Variants in CRTAC1 observed in about 807,000 individuals in gnomAD.
CRTAC1 encodes the protein acidic secreted protein in cartilage.
A neutral mutation model predicts 67.8 loss-of-function variants in CRTAC1; 37 were observed. That is an observed-to-expected ratio of 0.55 (90% CI 0.42 to 0.72). The LOEUF (loss-of-function observed/expected upper bound fraction) is 0.72, where lower values mean the gene tolerates loss of function less well. Ranked by LOEUF, CRTAC1 falls within the 30% of genes least tolerant of loss-of-function variation. The probability of loss-of-function intolerance (pLI) is 0.00; values close to 1 mark genes in which losing one functional copy is unlikely to be tolerated. For synonymous variants in CRTAC1, 348 were observed against 371.0 expected (o/e 0.94, Z 0.71); for missense variants, 780 against 931.6 (o/e 0.84, Z 2.12).
intron 4 of CRTAC1, among the ~76,000 whole-genome samples, chr10:97,922,009 A>C (rs1209076023): frequency 6.6e-6 from 1 of 151,246 alleles, no homozygotes; most frequent in Non-Finnish European, 1.5e-5. Flanking sequence ...ATTAACCTGC[A>C]TGCCTCTCCC....
chr10:97,956,717 A>G (rs2051447524), intron 2 of CRTAC1, among the ~76,000 whole-genome samples: 1 of 152,186 alleles, frequency 6.6e-6, no homozygotes, highest in Non-Finnish European at 1.5e-5. Context: ...TAACCCAGAC[A>G]GTTTCCCTCA....
chr10:97,930,465 C>T (rs573160511), intron 3 of CRTAC1, among the ~76,000 whole-genome samples: 25 of 152,370 alleles, frequency 1.6e-4, no homozygotes, highest in African/African-American at 5.5e-4. Flanking sequence ...TAGGGCCATA[C>T]ATCTCAGACT....
intron 2 of CRTAC1, among the ~76,000 whole-genome samples, chr10:97,953,160 C>T (rs2051387402): frequency 6.6e-6 from 1 of 152,184 alleles, no homozygotes; most frequent in South Asian, 2.1e-4. Flanking sequence ...TGGCCCATTC[C>T]TCTGCAGCTC....
chr10:97,900,838 T>C, intron 8 of CRTAC1, among the ~76,000 whole-genome samples: 1 of 108,092 alleles, frequency 9.3e-6, no homozygotes, highest in Non-Finnish European at 1.9e-5. Context: ...CTGTAGCCCC[T>C]TTTCCTGGTA....
intron 3 of CRTAC1, among the ~76,000 whole-genome samples, chr10:97,926,567 A>G (rs761782752): frequency 3.3e-5 from 5 of 152,144 alleles, no homozygotes; most frequent in African/African-American, 4.8e-5. Context: ...GGGGTTTATT[A>G]CATAACACCC....
At chr10:97,929,879 G>A (rs755942088) in intron 3 of CRTAC1, among the ~76,000 whole-genome samples, 3 of 152,196 alleles carry the variant, frequency 2.0e-5, no homozygotes, top group African/African-American at 7.2e-5. Flanking sequence ...ATAAGACTTC[G>A]TCAATGGAAA....
At chr10:97,933,431 C>T (rs1292552445) in intron 3 of CRTAC1, among the ~76,000 whole-genome samples, 1 of 152,254 alleles carries the variant, frequency 6.6e-6, no homozygotes, top group Non-Finnish European at 1.5e-5. Context: ...AGTTGGCAAA[C>T]CTCCTCTCAG....
At chr10:97,913,325 T>G (rs1292360342) in intron 5 of CRTAC1, among the ~76,000 whole-genome samples, 1 of 152,046 alleles carries the variant, frequency 6.6e-6, no homozygotes, top group African/African-American at 2.4e-5. Context: ...TGGCGGGTAT[T>G]AGACAAGGAT....
intron 2 of CRTAC1, among the ~76,000 whole-genome samples, chr10:97,984,078 C>A (rs1332728088): frequency 1.3e-5 from 2 of 152,194 alleles, no homozygotes; most frequent in Non-Finnish European, 2.9e-5. Context: ...GAGGAAGAGA[C>A]AACAGCCACT....
At chr10:97,974,390 G>A (rs1172329866) in intron 2 of CRTAC1, among the ~76,000 whole-genome samples, 1 of 152,140 alleles carries the variant, frequency 6.6e-6, no homozygotes, top group African/African-American at 2.4e-5. Flanking sequence ...GTGCACTCAG[G>A]CACCTCCGGT....
At chr10:97,871,623 T>G (rs536468804) in intron 14 of CRTAC1, 1 of 152,350 alleles carries the variant, frequency 6.6e-6, no homozygotes, top group African/African-American at 2.4e-5. Context: ...TGTTGAAATC[T>G]TATTTTACAG....
chr10:97,996,309 G>C (rs1313755969), intron 2 of CRTAC1, among the ~76,000 whole-genome samples: 3 of 150,198 alleles, frequency 2.0e-5, no homozygotes, highest in Non-Finnish European at 4.5e-5. Context: ...CTACAAAATG[G>C]GAGAAAATTT....
rs887205131 is a variant in CRTAC1 at position 98,020,126 on chromosome 10, C to G, written c.25-8789G>C. 2.6e-5 allele frequency among the ~76,000 whole-genome samples: 4 copies of G among 152,192 alleles called. No individual in the cohort carries two copies. In the East Asian group the frequency reaches 7.7e-4, roughly 29 times the overall value. On this transcript the variant is annotated intron_variant, in intron 1 of 14. Transcript: ENST00000370597. ...CCTGAACAATAGCAATACCTGCTAA[C>G]TGCTTCTGTCTCTCCTCTCCCCTCC...
At chr10:97,945,974 T>C (rs552291717) in intron 2 of CRTAC1, among the ~76,000 whole-genome samples, 151 of 152,320 alleles carry the variant, frequency 9.9e-4, no homozygotes, top group Non-Finnish European at 1.7e-3. Flanking sequence ...TATATTTTCA[T>C]GAGCATAGAG....
At chr10:97,935,337 A>G (rs2051070023) in intron 3 of CRTAC1, among the ~76,000 whole-genome samples, 1 of 152,214 alleles carries the variant, frequency 6.6e-6, no homozygotes, top group African/African-American at 2.4e-5. Context: ...GTGCTACTTA[A>G]GTATTAACTG....
intron 6 of CRTAC1, among the ~76,000 whole-genome samples, chr10:97,907,171 C>A (rs543434370): frequency 5.3e-5 from 8 of 152,204 alleles, no homozygotes; most frequent in Non-Finnish European, 1.2e-4. Flanking sequence ...AACCGTGACC[C>A]GGTCCTTGTA....
At chr10:98,028,067 G>A (rs547562187) in intron 1 of CRTAC1, among the ~76,000 whole-genome samples, 2 of 152,220 alleles carry the variant, frequency 1.3e-5, no homozygotes, top group Non-Finnish European at 2.9e-5. Context: ...GGAACTCCAT[G>A]AACCCTTAAA....
At chr10:98,010,543 G>A (rs565481624) in intron 2 of CRTAC1, among the ~76,000 whole-genome samples, 1 of 152,242 alleles carries the variant, frequency 6.6e-6, no homozygotes, top group South Asian at 2.1e-4. Context: ...CAGGCTATTT[G>A]GATTCCTAGT....
intron 2 of CRTAC1, among the ~76,000 whole-genome samples, chr10:97,956,818 C>T (rs57541256): frequency 0.016 from 2,420 of 151,416 alleles, 57 homozygotes; most frequent in African/African-American, 0.055. Context: ...TTTTTGAGAC[C>T]GAGTCTTTCT....
Sources: allele counts gnomAD v4.1 joint callset (sites outside exome capture counted in the v4.1 genomes callset), GRCh38; gene constraint gnomAD v4.1.1; transcripts MANE v1.5; gene names NCBI Gene and HGNC (gene_info 2026-07-23, HGNC 2026-07-21).